JARID2: variants seen among roughly 807,000 people sequenced by gnomAD.
JARID2 encodes protein Jumonji.
JARID2 carries 21 observed loss-of-function variants against 125.6 expected under a neutral mutation model. The ratio of observed to expected loss-of-function variants is 0.17; its 90% CI spans 0.12 to 0.24. JARID2 has a LOEUF of 0.24. Among genes scored for constraint, JARID2 ranks in the 10% least tolerant of loss-of-function variants. The pLI is 1.00. For missense variants in JARID2, 1,303 were observed against 1,639.6 expected (o/e 0.79, Z 3.55); for synonymous variants, 736 against 661.6 (o/e 1.11, Z -1.73).
rs949429120 is a variant in JARID2 at position 15,497,182 on chromosome 6, CG to C, written c.1945+18del. Reference sequence around the variant, plus strand: ...GCTCCCGCTCATAGGTAGGTCTGGGCGGGGGGTCAGGGGGTGGTGCCTGCCC... The same window carrying C: ...GCTCCCGCTCATAGGTAGGTCTGGGCGGGGGTCAGGGGGTGGTGCCTGCCC... On this transcript the variant is annotated intron_variant, in intron 7 of 17. Transcript: ENST00000341776. 11 of 1,527,958 alleles carry C rather than the reference CG, an allele frequency of 7.2e-6. No homozygotes were observed. The highest frequency in any genetic ancestry group is 2.7e-5 in the African/African-American group (2 of 72,776). 94.7% of individuals were successfully genotyped at this position (1,527,958 alleles called of 1,614,324 possible).
intron 3 of JARID2, among the ~76,000 whole-genome samples, chr6:15,426,681 C>G (rs2127594407): frequency 6.6e-6 from 1 of 152,308 alleles, no homozygotes; most frequent in East Asian, 1.9e-4. Flanking sequence ...AGAGGGTTTC[C>G]TGTCTTCACC....
chr6:15,377,522 A>G (rs1764401635), intron 2 of JARID2, among the ~76,000 whole-genome samples: 2 of 152,008 alleles, frequency 1.3e-5, no homozygotes, highest in South Asian at 4.2e-4. Flanking sequence ...CTGGAGTGTA[A>G]TGGCATGATC....
chr6:15,422,948 T>C (rs1766564228), intron 3 of JARID2, among the ~76,000 whole-genome samples: 1 of 152,076 alleles, frequency 6.6e-6, no homozygotes, highest in African/African-American at 2.4e-5. Flanking sequence ...TTAGGCCTAC[T>C]TGACTATGCT....
chr6:15,327,147 G>T lies in JARID2; in HGVS notation c.46-46970G>T, dbSNP rs946819471. On this transcript the variant is annotated intron_variant, in intron 1 of 17. Coordinates refer to ENST00000341776, the MANE Select transcript of JARID2 (RefSeq NM_004973.4). ...TTCTCCCCTTTCTCTTACTCTGTTAGCCTCCTTCCTCCTTTTCTTTTTTGG... is the reference window on the plus strand; with the variant it reads ...TTCTCCCCTTTCTCTTACTCTGTTATCCTCCTTCCTCCTTTTCTTTTTTGG... Among the ~76,000 whole-genome samples, 5 of 152,046 alleles carry T rather than the reference G, an allele frequency of 3.3e-5. No homozygotes were observed. In the East Asian group the frequency reaches 9.6e-4, roughly 29 times the overall value.
intron 1 of JARID2, among the ~76,000 whole-genome samples, chr6:15,346,354 A>G (rs946010926): frequency 6.6e-6 from 1 of 152,138 alleles, no homozygotes; most frequent in Non-Finnish European, 1.5e-5. Context: ...GTGGTTTTCC[A>G]CCATTTATTC....
intron 1 of JARID2, among the ~76,000 whole-genome samples, chr6:15,308,365 T>C (rs1761906040): frequency 6.6e-6 from 1 of 152,216 alleles, no homozygotes; most frequent in Non-Finnish European, 1.5e-5. Flanking sequence ...ATCTGGAGCC[T>C]CATTTATTGT....
At position 15,273,533 on chromosome 6, in the gene JARID2, C is replaced by T. The variant is rs188690865; in HGVS notation, c.45+26949C>T. Reference sequence around the variant, plus strand: ...CCTGACCAACATGGAGAAACCCCATCTCTACTAAAAATACAAAATTAGCTG... The same window carrying T: ...CCTGACCAACATGGAGAAACCCCATTTCTACTAAAAATACAAAATTAGCTG... On this transcript the variant is annotated intron_variant, in intron 1 of 17. Coordinates refer to ENST00000341776, the MANE Select transcript of JARID2 (RefSeq NM_004973.4). Among the ~76,000 whole-genome samples, 3 of 152,338 alleles carry T rather than the reference C, an allele frequency of 2.0e-5. No homozygotes were observed. The East Asian group carries it at 5.8e-4, about 29-fold the overall frequency.
intron 1 of JARID2, among the ~76,000 whole-genome samples, chr6:15,316,223 G>A (rs1223071157): frequency 6.6e-6 from 1 of 151,820 alleles, no homozygotes; most frequent in African/African-American, 2.4e-5. Flanking sequence ...GGGTTCAAGC[G>A]ATTCTCCTGC....
intron 1 of JARID2, among the ~76,000 whole-genome samples, chr6:15,294,287 G>A (rs915611352): frequency 2.6e-5 from 4 of 152,168 alleles, no homozygotes; most frequent in East Asian, 1.9e-4. Context: ...CCACCTCCCG[G>A]GTTCAAGCGA....
Position 15,360,073 on chromosome 6 carries a change from T to C in JARID2, c.46-14044T>C, listed in dbSNP as rs536850819. On this transcript the variant is annotated intron_variant, in intron 1 of 17. Coordinates refer to ENST00000341776, the MANE Select transcript of JARID2 (RefSeq NM_004973.4). Reference sequence around the variant, plus strand: ...GAGTTAGGGCTTGTGATGTCAAATGTAGATTTTCAGAGAATGGCTCTTGAG... The same window carrying C: ...GAGTTAGGGCTTGTGATGTCAAATGCAGATTTTCAGAGAATGGCTCTTGAG... Among the ~76,000 whole-genome samples the C allele has an allele frequency of 2.6e-5, 4 of 152,332 alleles. No individual in the cohort carries two copies. The East Asian group carries it at 7.7e-4, about 29-fold the overall frequency.
chr6:15,253,580 G>A (rs1581326515), intron 1 of JARID2, among the ~76,000 whole-genome samples: 1 of 151,950 alleles, frequency 6.6e-6, no homozygotes, highest in Non-Finnish European at 1.5e-5. Context: ...TCCTGCGTGA[G>A]CAGCGACTGG....
Position 15,521,911 on chromosome 6 carries a change from T to A in JARID2, c.*1660T>A, listed in dbSNP as rs1771877344. On this transcript the variant is annotated 3_prime_UTR_variant, in exon 18 of 18. Transcript: ENST00000341776. ...AGTTTGACATTTAATTTATTAGCGCTGCTCTGCACCCCTCCCTTGGGAGGG... is the reference window on the plus strand; with the variant it reads ...AGTTTGACATTTAATTTATTAGCGCAGCTCTGCACCCCTCCCTTGGGAGGG... The A allele has an allele frequency of 6.6e-6, 1 of 152,090 alleles. No individual in the cohort carries two copies. The highest frequency in any genetic ancestry group is 2.4e-5 in the African/African-American group (1 of 41,462). 9.4% of individuals were successfully genotyped at this position (152,090 alleles called of 1,614,324 possible). A position where few individuals can be genotyped will look rare whatever the true frequency, so the allele number is the denominator to read the frequency against.
chr6:15,273,989 C>A (rs1002125179), intron 1 of JARID2, among the ~76,000 whole-genome samples: 56 of 151,062 alleles, frequency 3.7e-4, no homozygotes, highest in African/African-American at 1.3e-3. Flanking sequence ...AGTGCAGTGG[C>A]ACGATCTCAG....
intron 2 of JARID2, among the ~76,000 whole-genome samples, chr6:15,375,152 A>T (rs1209125484): frequency 6.6e-6 from 1 of 152,170 alleles, no homozygotes; most frequent in Non-Finnish European, 1.5e-5. Context: ...CCTTAGTTGT[A>T]TGGTGAGTTG....
chr6:15,371,881 C>T (rs1240572620), intron 1 of JARID2, among the ~76,000 whole-genome samples: 1 of 152,164 alleles, frequency 6.6e-6, no homozygotes, highest in East Asian at 1.9e-4. Flanking sequence ...CTGGATGTAC[C>T]TCCTTCTTCT....
chr6:15,333,619 C>T (rs527687153), intron 1 of JARID2, among the ~76,000 whole-genome samples: 3 of 152,152 alleles, frequency 2.0e-5, no homozygotes, highest in Non-Finnish European at 4.4e-5. Flanking sequence ...GTGTACAATT[C>T]GGTGGCACTG....
chr6:15,437,842 G>A (rs1158560536), intron 3 of JARID2, among the ~76,000 whole-genome samples: 1 of 152,100 alleles, frequency 6.6e-6, no homozygotes, highest in East Asian at 1.9e-4. Context: ...AATGGGATGT[G>A]GGGGGCAAAA....
At chr6:15,285,493 ATTAC>A (rs1220694579) in intron 1 of JARID2, among the ~76,000 whole-genome samples, 1 of 152,172 alleles carries the variant, frequency 6.6e-6, no homozygotes, top group Non-Finnish European at 1.5e-5. Context: ...TAACTAGGTT[ATTAC>A]TTTGTGAAGT....
chr6:15,508,573 CTG>C (rs1200348753), intron 12 of JARID2, 119 bp downstream of exon 12: 2 of 668,810 alleles, frequency 3.0e-6, no homozygotes, highest in African/African-American at 3.5e-5. Context: ...ACTTGCTTCT[CTG>C]TGTTCAGGCC....
Sources: allele counts gnomAD v4.1 joint callset (sites outside exome capture counted in the v4.1 genomes callset), GRCh38; gene constraint gnomAD v4.1.1; transcripts MANE v1.5; gene names NCBI Gene and HGNC (gene_info 2026-07-23, HGNC 2026-07-21).